The following DPP4 variants were observed in gnomAD, a reference collection of about 807,000 sequenced individuals.
DPP4 encodes the protein dipeptidyl peptidase 4.
In DPP4, 93 loss-of-function variants were observed where a neutral mutation model predicts 122.4. That is an observed-to-expected ratio of 0.76 (90% CI 0.64 to 0.90). DPP4 has a LOEUF of 0.90. DPP4 is among the 40% of genes least tolerant of loss of function. The pLI, the probability that DPP4 is intolerant of heterozygous loss-of-function variation, is 0.00. For synonymous variants in DPP4, 321 were observed against 302.9 expected (o/e 1.06, Z -0.62); for missense variants, 914 against 907.3 (o/e 1.01, Z -0.09).
chr2:162,009,473 C>T, intron 20 of DPP4, among the ~76,000 whole-genome samples, 178 bp from the exon 21 acceptor site: 1 of 150,396 alleles, frequency 6.6e-6, no homozygotes, highest in Non-Finnish European at 1.5e-5. Context: ...AACCTAAGAT[C>T]CAGATGAACA....
chr2:162,019,531 A>T (rs1332909167), intron 14 of DPP4, among the ~76,000 whole-genome samples: 1 of 151,586 alleles, frequency 6.6e-6, no homozygotes, highest in Non-Finnish European at 1.5e-5. Flanking sequence ...AGTGACAAGT[A>T]AAAACACAAA....
intron 2 of DPP4, among the ~76,000 whole-genome samples, chr2:162,068,640 C>G (rs1041586559): frequency 2.0e-5 from 3 of 152,158 alleles, no homozygotes; most frequent in Non-Finnish European, 4.4e-5. Flanking sequence ...TAGTTCCTCT[C>G]TTGGATCCTT....
Position 162,073,973 on chromosome 2 carries a change from C to A in DPP4, c.6+3G>T, listed in dbSNP as rs774703533. ...CCGGGGACGTACGTGGCGCGGCACT[C>A]ACCTTCATCGTCGGCGTCTCCTCGG... On this transcript the variant is annotated splice_donor_region_variant and intron_variant, in intron 1 of 25. Coordinates refer to ENST00000360534, the MANE Select transcript of DPP4 (RefSeq NM_001935.4). 1 of 1,611,952 alleles carries A rather than the reference C, an allele frequency of 6.2e-7. No individual in the cohort carries two copies. The highest frequency in any genetic ancestry group is 8.5e-7 in the Non-Finnish European group (1 of 1,179,052).
chr2:162,012,817 T>C (rs942726989), intron 19 of DPP4, among the ~76,000 whole-genome samples: 1 of 152,008 alleles, frequency 6.6e-6, no homozygotes, highest in Non-Finnish European at 1.5e-5. Context: ...ACTTATTCCC[T>C]CCCCAGCCCA....
At chr2:162,052,154 G>A (rs12995636) in intron 2 of DPP4, among the ~76,000 whole-genome samples, 101,679 of 151,320 alleles carry the variant, frequency 0.67, 34,645 homozygotes, top group African/African-American at 0.74. Flanking sequence ...CCCTGTCTCT[G>A]CTAACAATAG....
intron 18 of DPP4, among the ~76,000 whole-genome samples, chr2:162,015,402 A>T (rs1682872361): frequency 6.6e-6 from 1 of 152,140 alleles, no homozygotes; most frequent in Non-Finnish European, 1.5e-5. Flanking sequence ...ATGTGCTTGT[A>T]AGAGCAAAAT....
chr2:162,031,479 A>G (rs1360313209), intron 10 of DPP4, among the ~76,000 whole-genome samples: 1 of 152,204 alleles, frequency 6.6e-6, no homozygotes, highest in Non-Finnish European at 1.5e-5. Context: ...TTTTCAGAGC[A>G]GGTGCTCATG....
rs1315902860 is a variant in DPP4, at chr2:162,011,966, T to TTGAC, written c.1655_1658dup (p.Lys554SerfsTer25). ...TCAGTCTGAAGACAGTGTCTGCTTT[T>TTGAC]TGACTACATGGGCCTGCATACCTAT... On this transcript the variant is annotated frameshift_variant, in exon 20 of 26. Transcript: ENST00000360534. LOFTEE classifies it high-confidence loss of function. 6.2e-7 allele frequency: 1 copy of TTGAC among 1,613,626 alleles called. No homozygotes were observed. Among genetic ancestry groups the TTGAC allele is most frequent in the African/African-American group, 1.3e-5 (1 of 75,030 alleles).
intron 1 of DPP4, 71 bp from the exon 2 acceptor site, chr2:162,073,557 C>A (rs1221604373): frequency 1.6e-5 from 24 of 1,499,836 alleles, no homozygotes; most frequent in African/African-American, 2.8e-5. Context: ...AGGGTCGGGG[C>A]TGCTCCAGAG....
At chr2:162,057,778 A>T (rs1373908055) in intron 2 of DPP4, among the ~76,000 whole-genome samples, 1 of 151,538 alleles carries the variant, frequency 6.6e-6, no homozygotes, top group Admixed American at 6.6e-5. Context: ...ATCTAGTGTG[A>T]TTTCTTTTTT....
At chr2:162,047,313 T>A in intron 3 of DPP4, 90 bp downstream of exon 3, 1 of 701,532 alleles carries the variant, frequency 1.4e-6, no homozygotes, top group Admixed American at 2.8e-5. Flanking sequence ...AAACAAGGAT[T>A]ACCTCTTCTC....
intron 18 of DPP4, among the ~76,000 whole-genome samples, chr2:162,015,781 G>T (rs2106094937): frequency 6.6e-6 from 1 of 152,246 alleles, no homozygotes; most frequent in African/African-American, 2.4e-5. Flanking sequence ...CAGTGTTCAT[G>T]ACTGAAATAG....
At position 161,998,994 on chromosome 2, in the gene DPP4, C is replaced by T. The variant is rs573187273; in HGVS notation, c.2053-3622G>A. Among the ~76,000 whole-genome samples, 72 of 152,316 alleles carry T rather than the reference C, an allele frequency of 4.7e-4. 1 individual carries two copies. Among genetic ancestry groups the T allele is most frequent in the African/African-American group, 1.7e-3 (71 of 41,584 alleles). Reference sequence around the variant, plus strand: ...AGATAAGTGTGCCATTTCAAATGCGCACTTCCCCTGCTCACTGGGAGAAGC... The same window carrying T: ...AGATAAGTGTGCCATTTCAAATGCGTACTTCCCCTGCTCACTGGGAGAAGC... On this transcript the variant is annotated intron_variant, in intron 23 of 25. Transcript: ENST00000360534.
chr2:162,045,485 T>C (rs1391345798), intron 5 of DPP4, 47 bp downstream of exon 5: 2 of 1,392,520 alleles, frequency 1.4e-6, no homozygotes, highest in Admixed American at 1.7e-5. Context: ...TAACATAGCA[T>C]ACTCTTGGAT....
intron 2 of DPP4, among the ~76,000 whole-genome samples, chr2:162,057,402 A>G (rs1251219577): frequency 1.3e-5 from 2 of 152,228 alleles, no homozygotes; most frequent in Admixed American, 6.5e-5. Context: ...CTCTACAGCT[A>G]TATTTCCAAG....
At chr2:162,070,691 G>A (rs1685085911) in intron 2 of DPP4, among the ~76,000 whole-genome samples, 1 of 152,080 alleles carries the variant, frequency 6.6e-6, no homozygotes, top group Non-Finnish European at 1.5e-5. Flanking sequence ...TTTTTTGTAA[G>A]GAATGCTGAC....
chr2:162,051,424 T>C (rs908557948), intron 2 of DPP4, among the ~76,000 whole-genome samples: 3 of 152,252 alleles, frequency 2.0e-5, no homozygotes, highest in Admixed American at 1.3e-4. Context: ...AATTGACATA[T>C]AATGTTTCCA....
chr2:162,037,135 T>C (rs1247110650), intron 8 of DPP4, among the ~76,000 whole-genome samples: 3 of 152,202 alleles, frequency 2.0e-5, no homozygotes, highest in Non-Finnish European at 4.4e-5. Context: ...AGGCCCAAAT[T>C]GGAGCTGTGA....
intron 2 of DPP4, among the ~76,000 whole-genome samples, chr2:162,062,870 C>T (rs1330459279): frequency 2.0e-5 from 3 of 152,060 alleles, no homozygotes; most frequent in Admixed American, 6.5e-5. Flanking sequence ...ATCATATCCA[C>T]AATCTCAGAG....
Sources: gnomAD v4.1 joint callset for allele counts (sites outside exome capture counted in the v4.1 genomes callset) on GRCh38, gnomAD v4.1.1 for gene constraint, MANE v1.5 for transcripts, NCBI Gene and HGNC (gene_info 2026-07-23, HGNC 2026-07-21) for gene names.